PRPF8: variants seen among roughly 807,000 people sequenced by gnomAD.
The protein encoded by PRPF8 is pre-mRNA-processing-splicing factor 8.
Under a neutral mutation model 285.9 loss-of-function variants are expected in PRPF8, and 64 were observed. The observed-to-expected ratio is 0.22, with a 90% CI of 0.18 to 0.28. PRPF8 has a LOEUF of 0.28. Among genes scored for constraint, PRPF8 ranks in the 10% least tolerant of loss-of-function variants. The pLI, the probability that PRPF8 is intolerant of heterozygous loss-of-function variation, is 1.00. For missense variants in PRPF8, 1,426 were observed against 3,026.7 expected (o/e 0.47, Z 12.41); for synonymous variants, 1,325 against 1,118.2 (o/e 1.18, Z -3.69).
intron 8 of PRPF8, chr17:1,680,343 T>A (rs1297602974): frequency 2.9e-6 from 1 of 340,422 alleles, no homozygotes; most frequent in Non-Finnish European, 5.5e-6. Context: ...TCAAATTGCA[T>A]GTCGTGACAG....
Position 1,657,982 on chromosome 17 carries a change from A to C in PRPF8, c.5505+271T>G, listed in dbSNP as rs1911485092. ...CGAGACTCCGGCTAAAAAAAAAAAA[A>C]AAAAAAAAGAGTATGCGTTGCCTTT... On this transcript the variant is annotated intron_variant, in intron 34 of 42. Coordinates refer to ENST00000304992, the MANE Select transcript of PRPF8 (RefSeq NM_006445.4). Among the ~76,000 whole-genome samples the C allele has an allele frequency of 2.0e-5, 3 of 151,976 alleles. No individual in the cohort carries two copies. In the South Asian group the frequency reaches 6.2e-4, roughly 32 times the overall value.
At chr17:1,666,997 A>G (rs1474867082) in intron 24 of PRPF8, among the ~76,000 whole-genome samples, 1 of 152,028 alleles carries the variant, frequency 6.6e-6, no homozygotes. Context: ...ACATGGTGAA[A>G]CCCTGTCTCT....
Position 1,659,302 on chromosome 17 carries a change from A to T in PRPF8, c.5138+55T>A. On this transcript the variant is annotated intron_variant, in intron 32 of 42. Coordinates refer to ENST00000304992, the MANE Select transcript of PRPF8 (RefSeq NM_006445.4). The surrounding 1 kb of genome is among the most constrained non-coding windows in gnomAD (Gnocchi z 5.1). Reference sequence around the variant, plus strand: ...CGGCCTCCCAAAGTGCTGGGATTACAGGTGTGAGCCACTGCGCCTGGCCTG... The same window carrying T: ...CGGCCTCCCAAAGTGCTGGGATTACTGGTGTGAGCCACTGCGCCTGGCCTG... 6.3e-7 allele frequency: 1 copy of T among 1,598,412 alleles called. No homozygotes were observed. Among genetic ancestry groups the T allele is most frequent in the Non-Finnish European group, 8.6e-7 (1 of 1,166,870 alleles).
At chr17:1,665,181 G>T (rs1225235377) in intron 24 of PRPF8, among the ~76,000 whole-genome samples, 1 of 130,592 alleles carries the variant, frequency 7.7e-6, no homozygotes, top group Non-Finnish European at 1.6e-5. Context: ...AAAAAAAAAA[G>T]GGAGGAATGC....
intron 37 of PRPF8, 37 bp downstream of exon 37, chr17:1,655,313 T>G (rs375245586): frequency 1.2e-6 from 2 of 1,610,772 alleles, no homozygotes; most frequent in South Asian, 2.2e-5. Context: ...AAACCGTATA[T>G]AGACCTCCTG....
Position 1,678,870 on chromosome 17 carries a change from T to C in PRPF8, c.1611A>G (p.Lys537=). The change falls in exon 12 of 43, where the codon AAA becomes AAG. Residue 537 remains lysine (K), a synonymous_variant. Transcript: ENST00000304992. ...VKTLTTKERK[K]SRFGNAFHLC... is the part of the protein sequence containing the mutation. ...GGTGGAAAGCATTCCCAAAACGAGA[T>C]TTCTTTCTTTCCTGGAGAAGATGCA... 6.2e-7 allele frequency: 1 copy of C among 1,614,138 alleles called. No homozygotes were observed. The highest frequency in any genetic ancestry group is 8.5e-7 in the Non-Finnish European group (1 of 1,180,026).
chr17:1,653,687 A>T lies in PRPF8; in HGVS notation c.6228-4T>A. 2.5e-6 allele frequency: 4 copies of T among 1,614,124 alleles called. No individual in the cohort carries two copies. In the South Asian group the frequency reaches 3.3e-5, roughly 13 times the overall value. On this transcript the variant is annotated splice_polypyrimidine_tract_variant and splice_region_variant and intron_variant, in intron 38 of 42. Coordinates refer to ENST00000304992, the MANE Select transcript of PRPF8 (RefSeq NM_006445.4). This position sits in a 1 kb window ranked among gnomAD's most constrained non-coding sequence, Gnocchi z 4.9. ...CAGGTTGGCAGCAGAGATGGCCCTA[A>T]AAACAGGCAGGGAGTGTCAGCATCG... is the stretch of plus-strand genomic sequence containing the variant.
chr17:1,671,551 AC>A (rs1483894763), intron 24 of PRPF8, among the ~76,000 whole-genome samples: 1 of 152,118 alleles, frequency 6.6e-6, no homozygotes, highest in Non-Finnish European at 1.5e-5. Flanking sequence ...TCCCAGCTCT[AC>A]AAAAAATTTA....
At position 1,679,843 on chromosome 17, in the gene PRPF8, G is replaced by A. The variant is rs1912812710; in HGVS notation, c.1099-44C>T. On this transcript the variant is annotated intron_variant, in intron 8 of 42. Coordinates refer to ENST00000304992, the MANE Select transcript of PRPF8 (RefSeq NM_006445.4). The surrounding 1 kb of genome is among the most constrained non-coding windows in gnomAD (Gnocchi z 4.7). ...TAAGGGTTTAGCTCCTGCTGAACTA[G>A]GCACAGACTTAAGATGAGGGAAATT... 2 of 1,601,182 alleles carry A rather than the reference G, an allele frequency of 1.2e-6. No individual in the cohort carries two copies. The highest frequency in any genetic ancestry group is 4.5e-5 in the East Asian group (2 of 44,828).
At position 1,651,127 on chromosome 17, in the gene PRPF8, C is replaced by G. The variant is rs147050234; in HGVS notation, c.6834G>C (p.Ser2278=). Residue 2278 remains serine (S), a synonymous_variant, in exon 42 of 43, where the codon TCG becomes TCC. Coordinates refer to ENST00000304992, the MANE Select transcript of PRPF8 (RefSeq NM_006445.4). The surrounding 1 kb of genome is among the most constrained non-coding windows in gnomAD (Gnocchi z 5.1). ...LGFFMVPAQS[S]WNYNFMGVRH... ...ACTTACCCATGAAGTTGTAGTTCCA[C>G]GAGGACTGGGCAGGGACCATGAAGA... The G allele has an allele frequency of 6.2e-7, 1 of 1,614,128 alleles. No individual in the cohort carries two copies. The highest frequency in any genetic ancestry group is 1.3e-5 in the African/African-American group (1 of 75,014).
At chr17:1,674,882 CT>C (rs1380058042) in intron 20 of PRPF8, among the ~76,000 whole-genome samples, 2 of 152,196 alleles carry the variant, frequency 1.3e-5, no homozygotes, top group African/African-American at 4.8e-5. Flanking sequence ...AGTGATTCTC[CT>C]GCCTCAGCCT....
intron 36 of PRPF8, 73 bp downstream of exon 36, chr17:1,656,319 A>G (rs930315793): frequency 6.3e-7 from 1 of 1,593,226 alleles, no homozygotes. Context: ...AATGGCAAAA[A>G]CCTGACACAG....
At chr17:1,684,200 A>G (rs1405850427) in intron 2 of PRPF8, among the ~76,000 whole-genome samples, 1 of 151,876 alleles carries the variant, frequency 6.6e-6, no homozygotes, top group African/African-American at 2.4e-5. Context: ...CATTTTTATT[A>G]CAGAGCTTCA....
At chr17:1,660,289 TC>T in intron 30 of PRPF8, 142 bp downstream of exon 30, 5 of 1,465,376 alleles carry the variant, frequency 3.4e-6, no homozygotes, top group Non-Finnish European at 2.8e-6. Flanking sequence ...CAGTACCCTC[TC>T]CCCACGATTC....
Position 1,653,879 on chromosome 17 carries a change from G to A in PRPF8, c.6125C>T (p.Thr2042Ile), listed in dbSNP as rs775654456. The change falls in exon 38 of 43, where the codon ACA (threonine) becomes ATA (isoleucine). Residue 2042 changes from threonine to isoleucine, a missense_variant. Physicochemically the swap from Thr to Ile is moderately conservative, Grantham distance 89 (BLOSUM62 -1). Transcript: ENST00000304992. The surrounding 1 kb of genome is among the most constrained non-coding windows in gnomAD (Gnocchi z 4.9). ...ATGCTTGTTGACAGTGCGAGTCTGT[G>A]TTGCCGTCAGCTGCGATTGTTCCTT... Reference protein sequence around the residue: ...QTKEQSQLTATQTRTVNKHGD... With the variant: ...QTKEQSQLTAIQTRTVNKHGD... 6.2e-7 allele frequency: 1 copy of A among 1,614,172 alleles called. No individual in the cohort carries two copies.
intron 6 of PRPF8, among the ~76,000 whole-genome samples, chr17:1,681,263 TAA>T (rs530749820): frequency 6.0e-4 from 91 of 152,168 alleles, no homozygotes; most frequent in Non-Finnish European, 1.1e-3. Flanking sequence ...CATTTTTTGG[TAA>T]AGATAGGGTT....
chr17:1,659,475 G>C lies in PRPF8; in HGVS notation c.5020C>G (p.His1674Asp). 1 of 1,614,090 alleles carries C rather than the reference G, an allele frequency of 6.2e-7. No individual in the cohort carries two copies. The highest frequency in any genetic ancestry group is 8.5e-7 in the Non-Finnish European group (1 of 1,180,010). ...IQLRWGDYDSHDIERYARAKF... is the reference protein window; with the variant it reads ...IQLRWGDYDSDDIERYARAKF... ...GCCCGGGCGTAGCGCTCAATGTCGT[G>C]GGAATCATAGTCCCCCCAGCGCAAC... Residue 1674 changes from histidine to aspartate, a missense_variant, in exon 32 of 43, where the codon CAC (histidine) becomes GAC (aspartate). This residue lies in a region of PRPF8 where 74 missense variants were observed against 161.8 expected (regional missense o/e 0.46). Coordinates refer to ENST00000304992, the MANE Select transcript of PRPF8 (RefSeq NM_006445.4). The surrounding 1 kb of genome is among the most constrained non-coding windows in gnomAD (Gnocchi z 5.1).
At position 1,678,460 on chromosome 17, in the gene PRPF8, G is replaced by A; in HGVS notation, c.1854+58C>T. Reference sequence around the variant, plus strand: ...ATCGTGCCATTGCACACCAGCCCAAGAGACAAGAGTAAGACTCTGTCTCAA... The same window carrying A: ...ATCGTGCCATTGCACACCAGCCCAAAAGACAAGAGTAAGACTCTGTCTCAA... On this transcript the variant is annotated intron_variant, in intron 13 of 42. Transcript: ENST00000304992. The A allele has an allele frequency of 3.1e-6, 5 of 1,611,298 alleles. No homozygotes were observed. The South Asian group carries it at 5.5e-5, about 18-fold the overall frequency.
intron 24 of PRPF8, among the ~76,000 whole-genome samples, chr17:1,664,591 G>GAA (rs1911854162): frequency 7.0e-6 from 1 of 142,508 alleles, no homozygotes; most frequent in African/African-American, 3.1e-5. Context: ...AGGATCGCTT[G>GAA]CGCCCAGGAG....
Sources: gnomAD v4.1 joint callset for allele counts (sites outside exome capture counted in the v4.1 genomes callset) on GRCh38, gnomAD v4.1.1 for gene constraint, gnomAD v4.1.1 regional missense constraint, Gnocchi (gnomAD v3.1) non-coding constraint, MANE v1.5 for transcripts, NCBI Gene and HGNC (gene_info 2026-07-23, HGNC 2026-07-21) for gene names.